KCNG3: variants seen among roughly 807,000 people sequenced by gnomAD.
KCNG3 encodes the protein potassium voltage-gated channel modifier subfamily G member 3, also known as voltage-gated potassium channel regulatory subunit KCNG3.
KCNG3 carries 15 observed loss-of-function variants against 29.0 expected under a neutral mutation model. The observed-to-expected ratio is 0.52, with a 90% confidence interval of 0.35 to 0.80. The LOEUF (loss-of-function observed/expected upper bound fraction) is 0.80. Ranked by LOEUF, KCNG3 falls within the 30% of genes least tolerant of loss-of-function variation. KCNG3 has a pLI of 0.01. For synonymous variants in KCNG3, 322 were observed against 248.9 expected (o/e 1.29, Z -2.76); for missense variants, 512 against 605.7 (o/e 0.85, Z 1.62).
At chr2:42,418,506 C>A in the KCNG3 span, among the ~76,000 whole-genome samples, 2 of 152,114 alleles carry the variant, frequency 1.3e-5, no homozygotes, top group African/African-American at 4.8e-5. Flanking sequence ...AACTTTTACT[C>A]TTCATTTTGT....
chr2:42,402,181 G>A, the KCNG3 span, among the ~76,000 whole-genome samples: 1 of 152,182 alleles, frequency 6.6e-6, no homozygotes, highest in Non-Finnish European at 1.5e-5. Flanking sequence ...ACATCTACCT[G>A]CCCTTGGACA....
At chr2:42,417,271 T>C in the KCNG3 span, among the ~76,000 whole-genome samples, 1 of 152,130 alleles carries the variant, frequency 6.6e-6, no homozygotes, top group African/African-American at 2.4e-5. Flanking sequence ...TTTTTTTGCA[T>C]TTAAAAAATA....
At chr2:42,431,984 A>C in the KCNG3 span, among the ~76,000 whole-genome samples, 1 of 150,522 alleles carries the variant, frequency 6.6e-6, no homozygotes, top group South Asian at 2.1e-4. Context: ...GGTTGCAGTG[A>C]GCCAAGATAA....
At chr2:42,399,353 C>G in the KCNG3 span, among the ~76,000 whole-genome samples, 1 of 152,088 alleles carries the variant, frequency 6.6e-6, no homozygotes, top group Non-Finnish European at 1.5e-5. Flanking sequence ...GCCACCGCGC[C>G]CGGCCTGTCC....
chr2:42,482,235 G>A (rs941258413), intron 1 of KCNG3, among the ~76,000 whole-genome samples: 8 of 152,148 alleles, frequency 5.3e-5, no homozygotes, highest in Non-Finnish European at 8.8e-5. Flanking sequence ...TGAATTTAAC[G>A]AATACATGAA....
At chr2:42,447,787 T>G (rs1455715720) in intron 1 of KCNG3, among the ~76,000 whole-genome samples, 7 of 152,198 alleles carry the variant, frequency 4.6e-5, no homozygotes, top group Non-Finnish European at 1.0e-4. Context: ...TCTGCCCACC[T>G]TGGCCTTCCA....
At chr2:42,429,174 C>G in the KCNG3 span, among the ~76,000 whole-genome samples, 1 of 152,014 alleles carries the variant, frequency 6.6e-6, no homozygotes, top group Non-Finnish European at 1.5e-5. Flanking sequence ...GAAGCACCCT[C>G]AAGTGCCAAT....
Position 42,443,891 on chromosome 2 carries a change from A to G in KCNG3, c.*43T>C. 6.5e-7 allele frequency: 1 copy of G among 1,536,038 alleles called. No individual in the cohort carries two copies. Among genetic ancestry groups the G allele is most frequent in the Non-Finnish European group, 8.8e-7 (1 of 1,134,242 alleles). On this transcript the variant is annotated 3_prime_UTR_variant, in exon 2 of 2. Transcript: ENST00000306078. ...AACACATAAATATGAAGCAGCATCA[A>G]AGTCTTTCTATGAAGTGTATGCAAG...
In KCNG3 at chr2:42,492,830, G is replaced by A. The variant is rs2103620038; in HGVS notation, c.665+7C>T. The A allele has an allele frequency of 6.7e-7, 1 of 1,482,978 alleles. No individual in the cohort carries two copies. Among genetic ancestry groups the A allele is most frequent in the Non-Finnish European group, 8.9e-7 (1 of 1,119,900 alleles). The allele number at this position is 1,482,978 out of a possible 1,614,324, so 91.9% of individuals were successfully genotyped here. A position where few individuals can be genotyped will look rare whatever the true frequency, so the allele number is the denominator to read the frequency against. ...GACGGGACGGGTAGAGAAGCAGTGC[G>A]TCCTACCCGGAGGGCTCCCTCCCAG... On this transcript the variant is annotated splice_region_variant and intron_variant, in intron 1 of 1. Coordinates refer to ENST00000306078, the MANE Select transcript of KCNG3 (RefSeq NM_133329.6).
At chr2:42,408,055 G>A in the KCNG3 span, among the ~76,000 whole-genome samples, 1 of 152,250 alleles carries the variant, frequency 6.6e-6, no homozygotes, top group Non-Finnish European at 1.5e-5. Context: ...CACAGGCTCA[G>A]GGCAGTGCTG....
chr2:42,482,409 C>A (rs1673610182), intron 1 of KCNG3, among the ~76,000 whole-genome samples: 1 of 152,082 alleles, frequency 6.6e-6, no homozygotes, highest in Non-Finnish European at 1.5e-5. Context: ...GAGACTCTGT[C>A]TCTACAAAAA....
At chr2:42,449,514 C>CTTTTTTTTTTTTTTTTTTTT (rs36088470) in intron 1 of KCNG3, among the ~76,000 whole-genome samples, 1 of 99,460 alleles carries the variant, frequency 1.0e-5, no homozygotes, top group African/African-American at 3.7e-5. Flanking sequence ...ACTGAGATTT[C>CTTTTTTTTTTTTTTTTTTTT]TTTTTTTTTT....
At chr2:42,431,765 T>C in the KCNG3 span, among the ~76,000 whole-genome samples, 19 of 152,188 alleles carry the variant, frequency 1.2e-4, no homozygotes, top group Non-Finnish European at 2.2e-4. Flanking sequence ...GGGCAGGGCA[T>C]AGTGGCTTCT....
chr2:42,476,289 T>TA lies in KCNG3; in HGVS notation c.665+16547dup, dbSNP rs564827473. Among the ~76,000 whole-genome samples, 227 of 149,932 alleles carry TA rather than the reference T, an allele frequency of 1.5e-3. 1 individual carries two copies. The highest frequency in any genetic ancestry group is 5.1e-3 in the African/African-American group (208 of 40,788). ...GAGTTCGAGACCAGCCTGGGCAACA[T>TA]AGAGAAACCCAGTCTCTACAAAAAA... is the stretch of plus-strand genomic sequence containing the variant. On this transcript the variant is annotated intron_variant, in intron 1 of 1. Coordinates refer to ENST00000306078, the MANE Select transcript of KCNG3 (RefSeq NM_133329.6).
intron 1 of KCNG3, among the ~76,000 whole-genome samples, chr2:42,470,949 C>T (rs1173632629): frequency 6.6e-6 from 1 of 151,432 alleles, no homozygotes; most frequent in Non-Finnish European, 1.5e-5. Flanking sequence ...ACTTGAGGAT[C>T]GAGACCAGCC....
intron 1 of KCNG3, among the ~76,000 whole-genome samples, chr2:42,468,684 G>A (rs1174160425): frequency 1.3e-5 from 2 of 152,068 alleles, no homozygotes. Flanking sequence ...GCTGGGCGCA[G>A]TGTCTCACGC....
downstream of KCNG3, among the ~76,000 whole-genome samples, chr2:42,439,566 A>G (rs1672432040): frequency 6.6e-6 from 1 of 150,528 alleles, no homozygotes; most frequent in African/African-American, 2.4e-5. Context: ...CCCGGCAATA[A>G]TTGCTTTTTA....
Position 42,493,004 on chromosome 2 carries a change from C to A in KCNG3, c.498G>T (p.Ser166=). Reference sequence around the variant, plus strand: ...TAGCCAGGATCTGCGCGGCCAGCGACGACGTGGGCTCCTCGAAGGTCCGCC... The same window carrying A: ...TAGCCAGGATCTGCGCGGCCAGCGAAGACGTGGGCTCCTCGAAGGTCCGCC... ...RMRRTFEEPT[S]SLAAQILASV... Residue 166 remains serine, a synonymous_variant, in exon 1 of 2, where the codon TCG becomes TCT. Coordinates refer to ENST00000306078, the MANE Select transcript of KCNG3 (RefSeq NM_133329.6). 1 of 1,531,382 alleles carries A rather than the reference C, an allele frequency of 6.5e-7. No individual in the cohort carries two copies. The highest frequency in any genetic ancestry group is 8.7e-7 in the Non-Finnish European group (1 of 1,143,020). The allele number at this position is 1,531,382 out of a possible 1,614,324, so 94.9% of individuals were successfully genotyped here. A position where few individuals can be genotyped will look rare whatever the true frequency, so the allele number is the denominator to read the frequency against.
the KCNG3 span, among the ~76,000 whole-genome samples, chr2:42,418,568 A>T: frequency 6.6e-6 from 1 of 152,186 alleles, no homozygotes; most frequent in East Asian, 1.9e-4. Flanking sequence ...TAATTTTTAA[A>T]ACTAGTAAAG....
Sources: allele counts gnomAD v4.1 joint callset (sites outside exome capture counted in the v4.1 genomes callset), GRCh38; gene constraint gnomAD v4.1.1; transcripts MANE v1.5; gene names NCBI Gene and HGNC (gene_info 2026-07-23, HGNC 2026-07-21).